Variants in ADCY2 observed in about 807,000 individuals in gnomAD.
The protein encoded by ADCY2 is adenylate cyclase 2.
Under a neutral mutation model 125.2 loss-of-function variants are expected in ADCY2, and 31 were observed. The observed-to-expected ratio is 0.25, with a 90% CI of 0.19 to 0.33. ADCY2 has a LOEUF of 0.33. ADCY2 is among the 10% of genes least tolerant of loss of function. The pLI, the probability that ADCY2 is intolerant of heterozygous loss-of-function variation, is 1.00. For missense variants in ADCY2, 904 were observed against 1,418.2 expected (o/e 0.64, Z 5.82); for synonymous variants, 512 against 548.4 (o/e 0.93, Z 0.93).
At chr5:7,675,252 A>G (rs35739110) in intron 4 of ADCY2, among the ~76,000 whole-genome samples, 5,717 of 152,220 alleles carry the variant, frequency 0.038, 153 homozygotes, top group Non-Finnish European at 0.058. Flanking sequence ...TTTTAATATG[A>G]CACTAATATT....
At chr5:7,465,031 C>T (rs952924944) in intron 2 of ADCY2, among the ~76,000 whole-genome samples, 2 of 152,110 alleles carry the variant, frequency 1.3e-5, no homozygotes, top group Middle Eastern at 3.2e-3. Flanking sequence ...AAAGGGGTTT[C>T]CCCTTATAAA....
intron 3 of ADCY2, among the ~76,000 whole-genome samples, chr5:7,536,287 A>G (rs1383493403): frequency 6.6e-6 from 1 of 152,212 alleles, no homozygotes; most frequent in African/African-American, 2.4e-5. Flanking sequence ...AGTGGAACAC[A>G]TTTCCACCCT....
intron 3 of ADCY2, among the ~76,000 whole-genome samples, chr5:7,554,840 GTTT>G (rs1275453986): frequency 1.3e-5 from 2 of 152,132 alleles, no homozygotes; most frequent in Admixed American, 6.6e-5. Flanking sequence ...TGTCTCAACA[GTTT>G]TTGTTAGCTA....
At chr5:7,653,477 G>A (rs146996128) in intron 4 of ADCY2, among the ~76,000 whole-genome samples, 42 of 152,170 alleles carry the variant, frequency 2.8e-4, no homozygotes, top group South Asian at 6.2e-4. Flanking sequence ...GCGTGGTGGC[G>A]GGCGCCTGTG....
intron 17 of ADCY2, among the ~76,000 whole-genome samples, chr5:7,770,422 C>G (rs1330383310): frequency 6.6e-6 from 1 of 152,172 alleles, no homozygotes; most frequent in African/African-American, 2.4e-5. Context: ...TGGTTGATAA[C>G]TTTAATTATA....
chr5:7,396,304 A>G lies in ADCY2; in HGVS notation c.8A>G (p.Gln3Arg). The G allele has an allele frequency of 7.1e-7, 1 of 1,409,546 alleles. No homozygotes were observed. The highest frequency in any genetic ancestry group is 1.5e-5 in the African/African-American group (1 of 66,036). The allele number at this position is 1,409,546 out of a possible 1,614,324, so 87.3% of individuals were successfully genotyped here. A position where few individuals can be genotyped will look rare whatever the true frequency, so the allele number is the denominator to read the frequency against. ...GCCCTGTGAGCGGCCCCGATGTGGC[A>G]GGAGGCGATGCGGCGCCGCCGCTAC... Reference protein sequence around the residue: MWQEAMRRRRYLR... With the variant: MWREAMRRRRYLR... Residue 3 changes from glutamine (Q) to arginine (R), a missense_variant, in exon 1 of 25, where the codon CAG (glutamine) becomes CGG (arginine). Physicochemically the swap from Gln to Arg is conservative, Grantham distance 43. This residue lies in a region of ADCY2 where 113 missense variants were observed against 108.0 expected (regional missense o/e 1.05). Transcript: ENST00000338316. This position sits in a 1 kb window ranked among gnomAD's most constrained non-coding sequence, Gnocchi z 5.7.
chr5:7,619,853 G>C (rs1175485905), intron 3 of ADCY2, among the ~76,000 whole-genome samples: 1 of 152,136 alleles, frequency 6.6e-6, no homozygotes, highest in Non-Finnish European at 1.5e-5. Context: ...CTATAATCAA[G>C]TGAATCTTCT....
chr5:7,452,733 C>T (rs1052471735), intron 2 of ADCY2, among the ~76,000 whole-genome samples: 2 of 152,126 alleles, frequency 1.3e-5, no homozygotes, highest in African/African-American at 2.4e-5. Context: ...AATAAGTGTT[C>T]CCTTTTCACC....
chr5:7,511,858 C>T (rs1490623188), intron 2 of ADCY2, among the ~76,000 whole-genome samples: 1 of 151,848 alleles, frequency 6.6e-6, no homozygotes, highest in Non-Finnish European at 1.5e-5. Context: ...GAGATAGCAC[C>T]AGGACTAGAT....
At chr5:7,590,391 G>C (rs1401606462) in intron 3 of ADCY2, among the ~76,000 whole-genome samples, 1 of 152,160 alleles carries the variant, frequency 6.6e-6, no homozygotes, top group Non-Finnish European at 1.5e-5. Context: ...TGCGAAATTA[G>C]ATTACATTTA....
intron 2 of ADCY2, among the ~76,000 whole-genome samples, chr5:7,431,422 A>C (rs926234559): frequency 2.6e-5 from 4 of 152,184 alleles, no homozygotes; most frequent in African/African-American, 7.2e-5. Context: ...TGTAAATTTT[A>C]GATTGAAAAT....
chr5:7,797,248 T>C (rs1004943638), intron 20 of ADCY2: 3 of 152,238 alleles, frequency 2.0e-5, no homozygotes, highest in African/African-American at 7.2e-5. Context: ...AGGTGCTTAA[T>C]GGTTCCCACA....
chr5:7,528,230 C>T (rs936751344), intron 3 of ADCY2, among the ~76,000 whole-genome samples: 7 of 152,188 alleles, frequency 4.6e-5, no homozygotes, highest in Admixed American at 6.5e-5. Flanking sequence ...CCTTTCTCCT[C>T]CCTGGTCCCT....
intron 24 of ADCY2, among the ~76,000 whole-genome samples, chr5:7,821,937 C>T (rs1166483873): frequency 1.3e-5 from 2 of 152,204 alleles, no homozygotes; most frequent in Admixed American, 6.5e-5. Context: ...GAGGTTCCCC[C>T]GGTGAAGGAA....
At chr5:7,468,120 C>G (rs1742193772) in intron 2 of ADCY2, among the ~76,000 whole-genome samples, 1 of 152,156 alleles carries the variant, frequency 6.6e-6, no homozygotes, top group Admixed American at 6.5e-5. Context: ...AAAAATCAAT[C>G]CCTTCCTTAT....
chr5:7,540,338 T>C (rs17827444), intron 3 of ADCY2, among the ~76,000 whole-genome samples: 6,584 of 152,292 alleles, frequency 0.043, 196 homozygotes, highest in Non-Finnish European at 0.066. Context: ...ATCTGTTTGT[T>C]CTTTGAGTCT....
chr5:7,703,837 T>A (rs938545829), intron 7 of ADCY2, among the ~76,000 whole-genome samples: 3 of 151,988 alleles, frequency 2.0e-5, no homozygotes, highest in Non-Finnish European at 2.9e-5. Context: ...TTTCCCTGTT[T>A]CTACAAAAAT....
At chr5:7,462,339 G>A (rs1741945221) in intron 2 of ADCY2, among the ~76,000 whole-genome samples, 1 of 152,152 alleles carries the variant, frequency 6.6e-6, no homozygotes, top group Admixed American at 6.5e-5. Context: ...TAATAAACAT[G>A]TCAGTCCCCA....
At chr5:7,461,353 C>T (rs999851581) in intron 2 of ADCY2, among the ~76,000 whole-genome samples, 8 of 152,164 alleles carry the variant, frequency 5.3e-5, no homozygotes, top group African/African-American at 1.4e-4. Context: ...TGGCAAGCTC[C>T]GCCTCAATGC....
Sources: gnomAD v4.1 joint callset for allele counts (sites outside exome capture counted in the v4.1 genomes callset) on GRCh38, gnomAD v4.1.1 for gene constraint, gnomAD v4.1.1 regional missense constraint, Gnocchi (gnomAD v3.1) non-coding constraint, MANE v1.5 for transcripts, NCBI Gene and HGNC (gene_info 2026-07-23, HGNC 2026-07-21) for gene names.